Variants in DNAH14 observed in about 807,000 individuals in gnomAD.
The protein encoded by DNAH14 is dynein axonemal heavy chain 14.
A neutral mutation model predicts 520.9 loss-of-function variants in DNAH14; 478 were observed. The observed-to-expected ratio is 0.92, with a 90% CI of 0.85 to 0.99. DNAH14 has a LOEUF of 0.99. Among genes scored for constraint, DNAH14 ranks in the 50% least tolerant of loss-of-function variants. The pLI is 0.00. For synonymous variants in DNAH14, 1,581 were observed against 1,757.2 expected (o/e 0.90, Z 2.51); for missense variants, 4,831 against 5,234.5 (o/e 0.92, Z 2.38).
At chr1:225,391,567 G>A (rs1390723337) in intron 83 of DNAH14, among the ~76,000 whole-genome samples, 2 of 152,092 alleles carry the variant, frequency 1.3e-5, no homozygotes, top group African/African-American at 2.4e-5. Context: ...GAAGCAGGGA[G>A]TAGGGGGCAT....
At chr1:225,105,469 TA>T (rs1468799782) in intron 23 of DNAH14, among the ~76,000 whole-genome samples, 1 of 152,208 alleles carries the variant, frequency 6.6e-6, no homozygotes, top group Admixed American at 6.5e-5. Context: ...TTGATCTGTC[TA>T]ATGTTGACAG....
chr1:225,180,476 T>TG (rs2083853782), intron 36 of DNAH14, among the ~76,000 whole-genome samples: 1 of 152,180 alleles, frequency 6.6e-6, no homozygotes, highest in Non-Finnish European at 1.5e-5. Context: ...CTTCCACACA[T>TG]GGCAGAAAGT....
At chr1:225,065,661 C>T (rs2070785690) in intron 17 of DNAH14, among the ~76,000 whole-genome samples, 1 of 151,978 alleles carries the variant, frequency 6.6e-6, no homozygotes, top group Non-Finnish European at 1.5e-5. Flanking sequence ...TTTAGCATGT[C>T]TTCCAGTTGC....
intron 9 of DNAH14, 27 bp from the exon 10 acceptor site, chr1:225,007,386 A>G (rs1308401767): frequency 6.8e-7 from 1 of 1,477,428 alleles, no homozygotes; most frequent in African/African-American, 1.4e-5. Context: ...ACTTTCTAAC[A>G]CTGAACATTT....
intron 41 of DNAH14, among the ~76,000 whole-genome samples, chr1:225,229,455 A>G (rs2149557559): frequency 6.6e-6 from 1 of 152,364 alleles, no homozygotes; most frequent in African/African-American, 2.4e-5. Context: ...TCTACTATAA[A>G]GAAACATGCA....
chr1:225,191,324 A>AT, intron 37 of DNAH14, among the ~76,000 whole-genome samples: 1 of 151,936 alleles, frequency 6.6e-6, no homozygotes, highest in East Asian at 1.9e-4. Flanking sequence ...CACTTTCATA[A>AT]GATGGTTTTG....
At chr1:225,171,598 T>C (rs1265662880) in intron 36 of DNAH14, among the ~76,000 whole-genome samples, 3 of 152,038 alleles carry the variant, frequency 2.0e-5, no homozygotes, top group Non-Finnish European at 4.4e-5. Context: ...AATAGACCAA[T>C]AACAGGCTCT....
At chr1:225,065,451 CCAA>C (rs891579034) in intron 17 of DNAH14, among the ~76,000 whole-genome samples, 5 of 150,350 alleles carry the variant, frequency 3.3e-5, no homozygotes, top group African/African-American at 4.9e-5. Flanking sequence ...AAAAAAAAAA[CCAA>C]CAACAACACA....
chr1:225,086,128 A>T (rs917833995), intron 21 of DNAH14, among the ~76,000 whole-genome samples: 46 of 150,464 alleles, frequency 3.1e-4, no homozygotes, highest in Non-Finnish European at 5.5e-4. Context: ...TAATAATAAT[A>T]ATAATTATTA....
chr1:225,250,668 G>A (rs1232417783), intron 43 of DNAH14: 8 of 559,590 alleles, frequency 1.4e-5, no homozygotes, highest in South Asian at 2.5e-5. Context: ...TGGAAGCACT[G>A]GGGTCAGTCA....
chr1:224,966,942 T>G (rs2125596668), intron 5 of DNAH14, among the ~76,000 whole-genome samples: 1 of 152,344 alleles, frequency 6.6e-6, no homozygotes, highest in African/African-American at 2.4e-5. Flanking sequence ...TAATAAACTC[T>G]TATGGTTGTA....
intron 73 of DNAH14, 128 bp downstream of exon 73, chr1:225,354,016 T>C: frequency 1.5e-6 from 1 of 673,134 alleles, no homozygotes; most frequent in East Asian, 2.7e-5. Context: ...TGAACGTTAA[T>C]AGGAGAGGGA....
chr1:224,956,998 T>C (rs944187751), intron 3 of DNAH14, among the ~76,000 whole-genome samples: 1 of 152,178 alleles, frequency 6.6e-6, no homozygotes, highest in South Asian at 2.1e-4. Flanking sequence ...TTTGTCATTA[T>C]ACTTTGAAGA....
intron 41 of DNAH14, among the ~76,000 whole-genome samples, chr1:225,212,159 G>T (rs1440386026): frequency 6.7e-6 from 1 of 148,488 alleles, no homozygotes; most frequent in African/African-American, 2.5e-5. Flanking sequence ...TGTGGTGTCT[G>T]GTTTTCTGTC....
intron 42 of DNAH14, among the ~76,000 whole-genome samples, chr1:225,239,917 G>GTCT: frequency 6.6e-6 from 1 of 152,296 alleles, no homozygotes; most frequent in South Asian, 2.1e-4. Flanking sequence ...TATATGAAAT[G>GTCT]TCTTTAAATC....
chr1:225,303,064 T>A (rs928961888), intron 56 of DNAH14, 92 bp from the exon 57 acceptor site: 3 of 1,003,458 alleles, frequency 3.0e-6, no homozygotes, highest in African/African-American at 3.3e-5. Context: ...TAAGGAAAGA[T>A]CTGAAATATG....
chr1:225,353,617 T>C (rs1005653410), intron 72 of DNAH14, among the ~76,000 whole-genome samples, 186 bp from the exon 73 acceptor site: 1 of 152,116 alleles, frequency 6.6e-6, no homozygotes, highest in African/African-American at 2.4e-5. Context: ...TCTCCCTCTT[T>C]TGAGGTGTGA....
At position 225,367,990 on chromosome 1, in the gene DNAH14, G is replaced by T; in HGVS notation, c.12276G>T (p.Leu4092Phe). ...VINERKNYGI[L>F]GWNIAYKFNS... ...ATGAAAGAAAAAATTACGGAATATT[G>T]GGCTGGAATATTGCTTATAAATTTA... Residue 4092 changes from leucine (L) to phenylalanine (F), a missense_variant, in exon 77 of 86, where the codon TTG (leucine) becomes TTT (phenylalanine). Physicochemically the swap from Leu to Phe is conservative, Grantham distance 22 (BLOSUM62 0). Coordinates refer to ENST00000682510, the MANE Select transcript of DNAH14 (RefSeq NM_001367479.1). 1 of 1,550,750 alleles carries T rather than the reference G, an allele frequency of 6.4e-7. No homozygotes were observed.
intron 3 of DNAH14, among the ~76,000 whole-genome samples, chr1:224,956,474 G>C (rs2060518761): frequency 6.6e-6 from 1 of 152,082 alleles, no homozygotes; most frequent in Admixed American, 6.6e-5. Context: ...ACAGAAACGT[G>C]CTATACAGAT....
Sources: gnomAD v4.1 joint callset for allele counts (sites outside exome capture counted in the v4.1 genomes callset) on GRCh38, gnomAD v4.1.1 for gene constraint, MANE v1.5 for transcripts, NCBI Gene and HGNC (gene_info 2026-07-23, HGNC 2026-07-21) for gene names.